PCCA: variants seen among roughly 807,000 people sequenced by gnomAD.
PCCA encodes propionyl-CoA carboxylase alpha chain, mitochondrial.
In PCCA, 74 loss-of-function variants were observed where a neutral mutation model predicts 101.3. That is an observed-to-expected ratio of 0.73 (90% CI 0.61 to 0.89). The LOEUF (loss-of-function observed/expected upper bound fraction) is 0.89. Ranked by LOEUF, PCCA falls within the 40% of genes least tolerant of loss-of-function variation. PCCA has a pLI of 0.00. For synonymous variants in PCCA, 294 were observed against 313.6 expected (o/e 0.94, Z 0.66); for missense variants, 891 against 907.0 (o/e 0.98, Z 0.23).
rs537649218 is a variant in PCCA at position 100,515,680 on chromosome 13, CG to C, written c.2040+114del. 1.4e-3 allele frequency: 1,874 copies of C among 1,328,390 alleles called. 12 individuals are homozygous for C. Among genetic ancestry groups the C allele is most frequent in the Middle Eastern group, 7.2e-3 (29 of 4,040 alleles). 82.3% of individuals were successfully genotyped at this position (1,328,390 alleles called of 1,614,324 possible). On this transcript the variant is annotated intron_variant, in intron 22 of 23. Coordinates refer to ENST00000376285, the MANE Select transcript of PCCA (RefSeq NM_000282.4). ...CTCTTTGCAGTTCTTACTTAACCGACGCCCCCTAAACAGCAAAATCGATTGC... is the reference window on the plus strand; with the variant it reads ...CTCTTTGCAGTTCTTACTTAACCGACCCCCCTAAACAGCAAAATCGATTGC...
chr13:100,471,831 G>A (rs992086364), intron 21 of PCCA, among the ~76,000 whole-genome samples: 3 of 152,192 alleles, frequency 2.0e-5, no homozygotes, highest in Non-Finnish European at 4.4e-5. Context: ...TGCTTCTCGT[G>A]TGCAGGCCAA....
At chr13:100,190,895 A>G (rs554067235) in intron 6 of PCCA, among the ~76,000 whole-genome samples, 38 of 152,248 alleles carry the variant, frequency 2.5e-4, no homozygotes, top group African/African-American at 8.4e-4. Flanking sequence ...CAGGAATTCG[A>G]GAACAGCCTG....
chr13:100,225,172 A>G (rs1566744854), intron 7 of PCCA, among the ~76,000 whole-genome samples: 1 of 152,234 alleles, frequency 6.6e-6, no homozygotes, highest in Non-Finnish European at 1.5e-5. Flanking sequence ...CCTAAAATAA[A>G]GTATTGTATG....
rs186298484 is a variant in PCCA at position 100,335,802 on chromosome 13, C to T, written c.1541-4355C>T. Among the ~76,000 whole-genome samples, 40 of 152,230 alleles carry T rather than the reference C, an allele frequency of 2.6e-4. No homozygotes were observed. In the East Asian group the frequency reaches 6.4e-3, roughly 24 times the overall value. On this transcript the variant is annotated intron_variant, in intron 17 of 23. Transcript: ENST00000376285. ...TGGTACTCACAGACATGAAAGTAGA[C>T]GATCCTTGAAAAATCTAACCCCCTG...
chr13:100,161,703 T>G (rs1594456782), intron 6 of PCCA: 2 of 152,228 alleles, frequency 1.3e-5, no homozygotes, highest in Middle Eastern at 3.4e-3. Flanking sequence ...GACTTAGACC[T>G]TGCAAGCCCA....
At chr13:100,202,498 T>TC (rs1205722015) in intron 6 of PCCA, among the ~76,000 whole-genome samples, 3 of 151,870 alleles carry the variant, frequency 2.0e-5, no homozygotes, top group Non-Finnish European at 4.4e-5. Flanking sequence ...TTTTTTTTTT[T>TC]TCATTTTCTT....
At chr13:100,104,509 C>G (rs2047574386) in intron 2 of PCCA, 1 of 152,168 alleles carries the variant, frequency 6.6e-6, no homozygotes, top group African/African-American at 2.4e-5. Context: ...CTTTGCACTA[C>G]TCTCCCCTGC....
At chr13:100,402,353 C>T (rs1421961769) in intron 19 of PCCA, among the ~76,000 whole-genome samples, 1 of 151,586 alleles carries the variant, frequency 6.6e-6, no homozygotes, top group Non-Finnish European at 1.5e-5. Flanking sequence ...TGAAAGTGAG[C>T]CACGATGCTT....
At chr13:100,333,078 C>T (rs1016521200) in intron 17 of PCCA, among the ~76,000 whole-genome samples, 5 of 152,182 alleles carry the variant, frequency 3.3e-5, no homozygotes, top group Admixed American at 3.3e-4. Flanking sequence ...TTTAGAAACA[C>T]ACTCCTATAT....
intron 17 of PCCA, among the ~76,000 whole-genome samples, chr13:100,337,264 A>T (rs539198750): frequency 2.6e-5 from 4 of 152,264 alleles, no homozygotes; most frequent in African/African-American, 9.6e-5. Context: ...TACACATTAG[A>T]AGCTGCTCAG....
intron 19 of PCCA, among the ~76,000 whole-genome samples, chr13:100,390,431 T>G (rs990270743): frequency 6.6e-6 from 1 of 152,056 alleles, no homozygotes; most frequent in African/African-American, 2.4e-5. Flanking sequence ...AGGAGAGAGT[T>G]TGGGGGAGAT....
At chr13:100,225,125 A>G (rs1443910567) in intron 7 of PCCA, among the ~76,000 whole-genome samples, 3 of 152,256 alleles carry the variant, frequency 2.0e-5, no homozygotes, top group Non-Finnish European at 4.4e-5. Flanking sequence ...TAGACAAATT[A>G]GGATCCTCTT....
At chr13:100,450,531 A>T (rs2081150407) in intron 21 of PCCA, among the ~76,000 whole-genome samples, 1 of 152,064 alleles carries the variant, frequency 6.6e-6, no homozygotes, top group African/African-American at 2.4e-5. Flanking sequence ...TGGGTACCTC[A>T]TTCAGGATAT....
intron 19 of PCCA, among the ~76,000 whole-genome samples, chr13:100,400,873 A>G (rs1310481925): frequency 6.6e-6 from 1 of 151,914 alleles, no homozygotes; most frequent in Non-Finnish European, 1.5e-5. Flanking sequence ...TGATCCACCT[A>G]CCTTGGACTC....
At chr13:100,407,876 C>T (rs986449832) in intron 19 of PCCA, among the ~76,000 whole-genome samples, 3 of 152,098 alleles carry the variant, frequency 2.0e-5, no homozygotes, top group Admixed American at 2.0e-4. Context: ...TGGGGCTGGG[C>T]ATGGTGGTTC....
intron 21 of PCCA, among the ~76,000 whole-genome samples, chr13:100,504,862 G>A (rs2085943421): frequency 6.6e-6 from 1 of 152,174 alleles, no homozygotes; most frequent in Non-Finnish European, 1.5e-5. Flanking sequence ...GAACCTGGGA[G>A]GCGGAGGCTG....
At chr13:100,458,576 A>G (rs954533488) in intron 21 of PCCA, among the ~76,000 whole-genome samples, 6 of 152,104 alleles carry the variant, frequency 3.9e-5, no homozygotes, top group African/African-American at 1.4e-4. Flanking sequence ...TCAAGGCTAT[A>G]GTGAGGTATG....
chr13:100,212,161 C>A (rs2059257966), intron 7 of PCCA, among the ~76,000 whole-genome samples: 2 of 152,172 alleles, frequency 1.3e-5, no homozygotes, highest in African/African-American at 4.8e-5. Flanking sequence ...TTGAAACTAA[C>A]AATTAAAAGC....
At chr13:100,177,500 A>G (rs1369348138) in intron 6 of PCCA, among the ~76,000 whole-genome samples, 18 of 152,228 alleles carry the variant, frequency 1.2e-4, no homozygotes, top group Admixed American at 1.2e-3. Flanking sequence ...TTTAGTAAAC[A>G]TATTAGATTC....
Sources: gnomAD v4.1 joint callset for allele counts (sites outside exome capture counted in the v4.1 genomes callset) on GRCh38, gnomAD v4.1.1 for gene constraint, MANE v1.5 for transcripts, NCBI Gene and HGNC (gene_info 2026-07-23, HGNC 2026-07-21) for gene names.